The following PIEZO2 variants were observed in gnomAD, a reference collection of about 807,000 sequenced individuals.
PIEZO2 encodes the protein piezo type mechanosensitive ion channel component 2, also known as piezo-type mechanosensitive ion channel component 2.
In PIEZO2, 172 loss-of-function variants were observed where a neutral mutation model predicts 337.3. The observed-to-expected ratio is 0.51, with a 90% confidence interval of 0.45 to 0.58. The LOEUF is 0.58. PIEZO2 is among the 20% of genes least tolerant of loss of function. PIEZO2 has a pLI of 0.00. For synonymous variants in PIEZO2, 1,251 were observed against 1,228.5 expected, an observed-to-expected ratio of 1.02 and a Z score of -0.38; for missense variants, 3,028 against 3,391.3, an observed-to-expected ratio of 0.89 and a Z score of 2.66.
intron 2 of PIEZO2, among the ~76,000 whole-genome samples, chr18:11,042,678 C>T (rs556152508): frequency 2.0e-5 from 3 of 152,172 alleles, no homozygotes; most frequent in Non-Finnish European, 4.4e-5. Flanking sequence ...GGAGGCTACC[C>T]ATTAGAAAGG....
Position 10,979,660 on chromosome 18 carries a change from C to A in PIEZO2, c.161G>T (p.Gly54Val), listed in dbSNP as rs913165782. ...FSEPTKTTMQ[G>V]HTGRLLKSLC... ...AGACTTTAATAACCGTCCCGTATGT[C>A]CTAAGGGATAAAAAGTGCAGAGATT... Residue 54 changes from glycine (G) to valine (V), a missense_variant and splice_region_variant, in exon 3 of 56, where the codon GGA becomes GTA. This residue lies in a region of PIEZO2 where 542 missense variants were observed against 605.6 expected (regional missense o/e 0.89). Transcript: ENST00000674853. The surrounding 1 kb of genome is among the most constrained non-coding windows in gnomAD (Gnocchi z 4.0). The A allele has an allele frequency of 6.5e-7, 1 of 1,531,354 alleles. No homozygotes were observed. Among genetic ancestry groups the A allele is most frequent in the Non-Finnish European group, 8.7e-7 (1 of 1,143,252 alleles). 94.9% of individuals were successfully genotyped at this position (1,531,354 alleles called of 1,614,324 possible).
In PIEZO2 at chr18:10,672,929, A is replaced by C. The variant is rs1178529056; in HGVS notation, c.8162-56T>G. The C allele has an allele frequency of 7.0e-7, 1 of 1,435,896 alleles. No individual in the cohort carries two copies. Among genetic ancestry groups the C allele is most frequent in the African/African-American group, 1.4e-5 (1 of 70,222 alleles). 88.9% of individuals were successfully genotyped at this position (1,435,896 alleles called of 1,614,324 possible). A position where few individuals can be genotyped will look rare whatever the true frequency, so the allele number is the denominator to read the frequency against. The stretch of plus-strand genomic sequence containing the variant: ...ACATGAGAATTTTAGGATTTCATGC[A>C]CAGCAACAGTTTTCAGATGGCAAAA... On this transcript the variant is annotated intron_variant, in intron 54 of 55. Coordinates refer to ENST00000674853, the MANE Select transcript of PIEZO2 (RefSeq NM_001378183.1). The surrounding 1 kb of genome is among the most constrained non-coding windows in gnomAD (Gnocchi z 4.7).
Position 10,846,786 on chromosome 18 carries a change from G to A in PIEZO2, c.917+8567C>T, listed in dbSNP as rs1050976991. Among the ~76,000 whole-genome samples, 5 of 152,200 alleles carry A rather than the reference G, an allele frequency of 3.3e-5. No homozygotes were observed. Among genetic ancestry groups the A allele is most frequent in the African/African-American group, 1.2e-4 (5 of 41,456 alleles). The stretch of plus-strand genomic sequence containing the variant: ...TTAAGGGACAAACAGGAGCCAGTGA[G>A]AGCAGTGAGCAGGAGATTTCCAGCA... On this transcript the variant is annotated intron_variant, in intron 7 of 55. Coordinates refer to ENST00000674853, the MANE Select transcript of PIEZO2 (RefSeq NM_001378183.1). This position sits in a 1 kb window ranked among gnomAD's most constrained non-coding sequence, Gnocchi z 4.1.
intron 4 of PIEZO2, among the ~76,000 whole-genome samples, chr18:10,907,815 G>T (rs2145050373): frequency 1.3e-5 from 2 of 152,348 alleles, no homozygotes; most frequent in Middle Eastern, 6.8e-3. Context: ...AGAAAGGTGA[G>T]CTGATTGAAA....
intron 2 of PIEZO2, among the ~76,000 whole-genome samples, chr18:10,999,994 C>T (rs1004078095): frequency 2.0e-5 from 3 of 152,110 alleles, no homozygotes; most frequent in African/African-American, 7.2e-5. Flanking sequence ...ATGGCCATTT[C>T]ACTGGTATCA....
rs1183424626 is a variant in PIEZO2, at chr18:11,128,037, G to C, written c.64+20488C>G. Among the ~76,000 whole-genome samples the C allele has an allele frequency of 6.6e-6, 1 of 152,060 alleles. No individual in the cohort carries two copies. Among genetic ancestry groups the C allele is most frequent in the Non-Finnish European group, 1.5e-5 (1 of 68,016 alleles). Reference sequence around the variant, plus strand: ...GGTAGTCCTGGGCATGAACTGTTTAGAGAGTTACACAAAATAAATGCATTT... The same window carrying C: ...GGTAGTCCTGGGCATGAACTGTTTACAGAGTTACACAAAATAAATGCATTT... On this transcript the variant is annotated intron_variant, in intron 1 of 55. Transcript: ENST00000674853. The surrounding 1 kb of genome is among the most constrained non-coding windows in gnomAD (Gnocchi z 4.1).
intron 2 of PIEZO2, among the ~76,000 whole-genome samples, chr18:10,983,478 G>A (rs114896056): frequency 1.4e-3 from 213 of 152,186 alleles, no homozygotes; most frequent in African/African-American, 4.6e-3. Context: ...TAATTTTTGC[G>A]GTCTTGTGAA....
Position 10,871,295 on chromosome 18 carries a change from G to C in PIEZO2, c.450C>G (p.Asp150Glu). ...ACTCCGGGTTACTCTGTGCTGCTTCGTCTGTCACAGGTTTCTGAACAATGT... is the reference window on the plus strand; with the variant it reads ...ACTCCGGGTTACTCTGTGCTGCTTCCTCTGTCACAGGTTTCTGAACAATGT... ...CRNIVQKPVT[D>E]EAAQSNPEFE... The change falls in exon 5 of 56, where the codon GAC becomes GAG. Residue 150 changes from aspartate (D) to glutamate (E), a missense_variant. Transcript: ENST00000674853. 1 of 1,537,114 alleles carries C rather than the reference G, an allele frequency of 6.5e-7. No homozygotes were observed. Among genetic ancestry groups the C allele is most frequent in the Non-Finnish European group, 8.7e-7 (1 of 1,146,834 alleles).
chr18:10,853,088 T>C lies in PIEZO2; in HGVS notation c.917+2265A>G, dbSNP rs1247337195. Among the ~76,000 whole-genome samples, 2 of 152,166 alleles carry C rather than the reference T, an allele frequency of 1.3e-5. No homozygotes were observed. Among genetic ancestry groups the C allele is most frequent in the African/African-American group, 4.8e-5 (2 of 41,442 alleles). On this transcript the variant is annotated intron_variant, in intron 7 of 55. Transcript: ENST00000674853. This position sits in a 1 kb window ranked among gnomAD's most constrained non-coding sequence, Gnocchi z 4.2. ...GCGGAGTTTAACTGGTACATGACCT[T>C]GTAGGAGCATTCGGTGAGGGAAGAG...
intron 2 of PIEZO2, among the ~76,000 whole-genome samples, chr18:11,062,104 G>A (rs1005274816): frequency 5.5e-4 from 84 of 152,056 alleles, no homozygotes; most frequent in East Asian, 2.3e-3. Flanking sequence ...AAATAATGCC[G>A]CATACCTACA....
In PIEZO2 at chr18:10,993,490, C is replaced by G. The variant is rs1004866274; in HGVS notation, c.161-13830G>C. ...AATCATGTCGTTTTTGTCATTGGTT[C>G]TGTTTATGTGATAGATTACGTTTTT... On this transcript the variant is annotated intron_variant, in intron 2 of 55. Transcript: ENST00000674853. This position sits in a 1 kb window ranked among gnomAD's most constrained non-coding sequence, Gnocchi z 5.0. Among the ~76,000 whole-genome samples the G allele has an allele frequency of 1.3e-5, 2 of 151,922 alleles. No homozygotes were observed. The highest frequency in any genetic ancestry group is 2.9e-5 in the Non-Finnish European group (2 of 67,968).
In PIEZO2 at chr18:11,127,803, A is replaced by ATGTGTGTGTGTGTGTGTGTGTGTGTG. The variant is rs34849868; in HGVS notation, c.64+20721_64+20722insCACACACACACACACACACACACACA. 6.8e-6 allele frequency among the ~76,000 whole-genome samples: 1 copy of ATGTGTGTGTGTGTGTGTGTGTGTGTG among 146,756 alleles called. No individual in the cohort carries two copies. The highest frequency in any genetic ancestry group is 2.5e-5 in the African/African-American group (1 of 39,482). On this transcript the variant is annotated intron_variant, in intron 1 of 55. Transcript: ENST00000674853. This position sits in a 1 kb window ranked among gnomAD's most constrained non-coding sequence, Gnocchi z 4.5. ...TGCATATACGTGTGTGTGTGTGTGCATGTGTGTGTGTGTGTGTGTGTGTAT... is the reference window on the plus strand; with the variant it reads ...TGCATATACGTGTGTGTGTGTGTGCATGTGTGTGTGTGTGTGTGTGTGTGTGTGTGTGTGTGTGTGTGTGTGTGTAT...
At chr18:10,851,852 A>C (rs1156652118) in intron 7 of PIEZO2, among the ~76,000 whole-genome samples, 5 of 152,040 alleles carry the variant, frequency 3.3e-5, no homozygotes. Context: ...ACTATTTACT[A>C]AGCTTTACAG....
At chr18:10,919,092 C>A (rs1442914424) in intron 3 of PIEZO2, among the ~76,000 whole-genome samples, 1 of 151,776 alleles carries the variant, frequency 6.6e-6, no homozygotes, top group East Asian at 1.9e-4. Flanking sequence ...TCTTTTTTAT[C>A]TTTTACAAAA....
At chr18:11,060,586 TC>T (rs1222942573) in intron 2 of PIEZO2, among the ~76,000 whole-genome samples, 1 of 152,056 alleles carries the variant, frequency 6.6e-6, no homozygotes, top group Non-Finnish European at 1.5e-5. Context: ...TCACCACCGA[TC>T]CCACGGAAAT....
rs1391250983 is a variant in PIEZO2 at position 10,815,292 on chromosome 18, G to A, written c.918-8018C>T. Reference sequence around the variant, plus strand: ...TAAACTTAAAATCAGAGGCTATAGGGCTAAAAGAAAAGAATGGTGATCCAG... The same window carrying A: ...TAAACTTAAAATCAGAGGCTATAGGACTAAAAGAAAAGAATGGTGATCCAG... On this transcript the variant is annotated intron_variant, in intron 7 of 55. Coordinates refer to ENST00000674853, the MANE Select transcript of PIEZO2 (RefSeq NM_001378183.1). This position sits in a 1 kb window ranked among gnomAD's most constrained non-coding sequence, Gnocchi z 4.1. 6.6e-6 allele frequency among the ~76,000 whole-genome samples: 1 copy of A among 152,126 alleles called. No individual in the cohort carries two copies. Among genetic ancestry groups the A allele is most frequent in the East Asian group, 1.9e-4 (1 of 5,176 alleles).
At position 10,894,388 on chromosome 18, in the gene PIEZO2, A is replaced by C. The variant is rs2042838836; in HGVS notation, c.329+16798T>G. 6.6e-6 allele frequency: 1 copy of C among 152,216 alleles called. No homozygotes were observed. The highest frequency in any genetic ancestry group is 1.5e-5 in the Non-Finnish European group (1 of 68,064). 9.4% of individuals were successfully genotyped at this position (152,216 alleles called of 1,614,324 possible). The stretch of plus-strand genomic sequence containing the variant: ...AAAATCGCTTGAATTCGGAAGGCGG[A>C]GCTGGCAGTGAGCTGAGATCACCCC... On this transcript the variant is annotated intron_variant, in intron 4 of 55. Transcript: ENST00000674853. The surrounding 1 kb of genome is among the most constrained non-coding windows in gnomAD (Gnocchi z 4.1).
chr18:10,944,028 A>G (rs264162), intron 3 of PIEZO2, among the ~76,000 whole-genome samples: 86,491 of 152,032 alleles, frequency 0.57, 24,864 homozygotes, highest in Admixed American at 0.61. Flanking sequence ...GGAACCGTAA[A>G]TCCAATAAAC....
intron 2 of PIEZO2, among the ~76,000 whole-genome samples, chr18:11,056,232 G>A (rs2145873840): frequency 6.6e-6 from 1 of 152,304 alleles, no homozygotes; most frequent in East Asian, 1.9e-4. Flanking sequence ...GGCCGGGGAA[G>A]AGAAGTTTGT....
Sources: allele counts gnomAD v4.1 joint callset (sites outside exome capture counted in the v4.1 genomes callset), GRCh38; gene constraint gnomAD v4.1.1; regional missense constraint gnomAD v4.1.1; non-coding constraint Gnocchi (gnomAD v3.1); transcripts MANE v1.5; gene names NCBI Gene and HGNC (gene_info 2026-07-23, HGNC 2026-07-21).